IL34: variants seen among roughly 807,000 people sequenced by gnomAD.
IL34 encodes the protein interleukin 34, also known as interleukin-34.
IL34 carries 17 observed loss-of-function variants against 25.3 expected under a neutral mutation model. That is an observed-to-expected ratio of 0.67 (90% CI 0.46 to 1.01). The LOEUF (loss-of-function observed/expected upper bound fraction) is 1.01, where lower values mean the gene tolerates loss of function less well. IL34 is among the 50% of genes least tolerant of loss of function. The probability of loss-of-function intolerance (pLI) is 0.00; values close to 1 mark genes in which losing one functional copy is unlikely to be tolerated. For synonymous variants in IL34, 174 were observed against 140.9 expected, an observed-to-expected ratio of 1.23 and a Z score of -1.66; for missense variants, 368 against 312.9, an observed-to-expected ratio of 1.18 and a Z score of -1.33.
rs772452486 is a variant in IL34, at chr16:70,612,434, G to A, written c.-401+32385G>A. Among the ~76,000 whole-genome samples, 137 of 152,208 alleles carry A rather than the reference G, an allele frequency of 9.0e-4. 4 individuals carry two copies. The highest frequency in any genetic ancestry group is 1.8e-4 in the Non-Finnish European group (12 of 68,038). ...AAGGCCCAAGCTGTGGTTCATCCAA[G>A]GCTGTGCTCCCAGATGAAGCTCTGG... is the stretch of plus-strand genomic sequence containing the variant. On this transcript the variant is annotated intron_variant, in intron 1 of 6. Transcript: ENST00000429149.
At chr16:70,597,742 A>G (rs540904843) in intron 1 of IL34, among the ~76,000 whole-genome samples, 2 of 152,316 alleles carry the variant, frequency 1.3e-5, no homozygotes, top group African/African-American at 2.4e-5. Context: ...CATCTATTAA[A>G]TGGTATCCAT....
In IL34 at chr16:70,656,636, T is replaced by A; in HGVS notation, c.197T>A (p.Val66Glu). 6.8e-7 allele frequency: 1 copy of A among 1,463,524 alleles called. No individual in the cohort carries two copies. Among genetic ancestry groups the A allele is most frequent in the Non-Finnish European group, 9.6e-7 (1 of 1,042,446 alleles). 90.7% of individuals were successfully genotyped at this position (1,463,524 alleles called of 1,614,324 possible). ...HYFPINYKIS[V>E]PYEGVFRIAN... ...TTCCCCATCAACTACAAGATCAGTG[T>A]GCCTTACGAGGGGGTGTTCAGAATC... The change falls in exon 3 of 6, where the codon GTG (valine) becomes GAG (glutamate). Residue 66 changes from valine to glutamate, a missense_variant. Coordinates refer to ENST00000288098, the MANE Select transcript of IL34 (RefSeq NM_001393494.1).
chr16:70,640,610 C>G (rs1427505368), intron 1 of IL34, among the ~76,000 whole-genome samples: 1 of 138,228 alleles, frequency 7.2e-6, no homozygotes, highest in Non-Finnish European at 1.5e-5. Context: ...GGCGACAGAG[C>G]AAGACTCCGT....
intron 1 of IL34, among the ~76,000 whole-genome samples, chr16:70,610,288 G>A (rs1266564628): frequency 6.6e-6 from 1 of 151,956 alleles, no homozygotes; most frequent in Non-Finnish European, 1.5e-5. Context: ...AAAGGGCCAA[G>A]AAAACTCTTG....
chr16:70,655,919 A>G (rs1210892193), intron 2 of IL34, among the ~76,000 whole-genome samples: 2 of 152,196 alleles, frequency 1.3e-5, no homozygotes, highest in Non-Finnish European at 2.9e-5. Context: ...TAATTTACAT[A>G]TTTATATATA....
At chr16:70,632,820 T>A (rs2051549716) in intron 1 of IL34, among the ~76,000 whole-genome samples, 1 of 152,124 alleles carries the variant, frequency 6.6e-6, no homozygotes, top group Non-Finnish European at 1.5e-5. Flanking sequence ...TGGGCTGGCC[T>A]TCTTTTGGGG....
At chr16:70,583,448 G>A (rs925439893) in intron 1 of IL34, among the ~76,000 whole-genome samples, 11 of 152,118 alleles carry the variant, frequency 7.2e-5, no homozygotes, top group Admixed American at 3.9e-4. Flanking sequence ...TTGCGGCTTC[G>A]AGGGACGAAG....
chr16:70,630,196 A>G (rs2051486974), intron 1 of IL34, among the ~76,000 whole-genome samples: 4 of 152,190 alleles, frequency 2.6e-5, no homozygotes, highest in Non-Finnish European at 5.9e-5. Flanking sequence ...TAATGGCTGA[A>G]TAGTACTCCA....
chr16:70,659,482 A>T, intron 4 of IL34, 136 bp from the exon 5 acceptor site: 1 of 1,132,086 alleles, frequency 8.8e-7, no homozygotes, highest in Non-Finnish European at 1.2e-6. Context: ...AGAAATAGCT[A>T]TCCAGGCTCA....
chr16:70,654,517 C>A (rs746373574), intron 1 of IL34, 21 bp from the exon 2 acceptor site: 3 of 1,594,036 alleles, frequency 1.9e-6, no homozygotes, highest in African/African-American at 2.7e-5. Flanking sequence ...CTCATGTGCT[C>A]TTGTCGGGTG....
chr16:70,613,477 T>G (rs1310234629), intron 1 of IL34, among the ~76,000 whole-genome samples: 1 of 152,172 alleles, frequency 6.6e-6, no homozygotes, highest in African/African-American at 2.4e-5. Flanking sequence ...AAGGCGCAGT[T>G]TCCTCATCTG....
chr16:70,640,906 G>A (rs2051766740), intron 1 of IL34, among the ~76,000 whole-genome samples: 1 of 151,946 alleles, frequency 6.6e-6, no homozygotes, highest in Admixed American at 6.6e-5. Context: ...CTGGAGTTTT[G>A]CTTTTTCCAG....
At chr16:70,600,055 A>T (rs1332241108) in intron 1 of IL34, among the ~76,000 whole-genome samples, 1 of 152,064 alleles carries the variant, frequency 6.6e-6, no homozygotes, top group Non-Finnish European at 1.5e-5. Flanking sequence ...ACACCCTGAC[A>T]CGGCTTCTCT....
At chr16:70,589,629 T>C (rs1372826089) in intron 1 of IL34, among the ~76,000 whole-genome samples, 1 of 152,056 alleles carries the variant, frequency 6.6e-6, no homozygotes, top group Non-Finnish European at 1.5e-5. Context: ...ATGATTTTTT[T>C]TTTTTTTTTT....
chr16:70,658,568 G>A (rs1597783736), intron 4 of IL34, among the ~76,000 whole-genome samples: 2 of 151,702 alleles, frequency 1.3e-5, no homozygotes, highest in South Asian at 2.1e-4. Flanking sequence ...TGCAACCTCC[G>A]TCTCCCAGGT....
intron 1 of IL34, among the ~76,000 whole-genome samples, chr16:70,600,283 C>T (rs1369250212): frequency 6.6e-6 from 1 of 152,190 alleles, no homozygotes; most frequent in East Asian, 1.9e-4. Context: ...CATCCCTTCT[C>T]CAATCACCTC....
rs542179560 is a variant in IL34, at chr16:70,597,148, A to G, written c.-401+17099A>G. Among the ~76,000 whole-genome samples, 3 of 151,736 alleles carry G rather than the reference A, an allele frequency of 2.0e-5. No homozygotes were observed. The East Asian group carries it at 5.8e-4, about 29-fold the overall frequency. ...CCAAGTGACACTGCTTTGGGCCATT[A>G]CTGACTTCCTTATTTCCTAGGGGCC... is the stretch of plus-strand genomic sequence containing the variant. On this transcript the variant is annotated intron_variant, in intron 1 of 6. Coordinates refer to the IL34 transcript ENST00000429149.
intron 1 of IL34, among the ~76,000 whole-genome samples, chr16:70,652,460 A>T (rs535085100): frequency 6.6e-6 from 1 of 152,336 alleles, no homozygotes; most frequent in African/African-American, 2.4e-5. Context: ...ACCCTATTTG[A>T]AAAGAAAAAC....
intron 1 of IL34, among the ~76,000 whole-genome samples, chr16:70,625,961 C>T (rs987759275): frequency 2.6e-5 from 4 of 152,182 alleles, no homozygotes; most frequent in Admixed American, 6.5e-5. Flanking sequence ...AGCAGGAGGA[C>T]AGGGGATTGA....
Sources: gnomAD v4.1 joint callset for allele counts (sites outside exome capture counted in the v4.1 genomes callset) on GRCh38, gnomAD v4.1.1 for gene constraint, MANE v1.5 for transcripts, NCBI Gene and HGNC (gene_info 2026-07-23, HGNC 2026-07-21) for gene names.